SLC2A12: variants seen among roughly 807,000 people sequenced by gnomAD.
The protein encoded by SLC2A12 is solute carrier family 2, facilitated glucose transporter member 12.
SLC2A12 carries 23 observed loss-of-function variants against 41.8 expected under a neutral mutation model. That is an observed-to-expected ratio of 0.55 (90% CI 0.40 to 0.78). The LOEUF (loss-of-function observed/expected upper bound fraction) is 0.78, where lower values mean the gene tolerates loss of function less well. SLC2A12 is among the 30% of genes least tolerant of loss of function. The pLI, the probability that SLC2A12 is intolerant of heterozygous loss-of-function variation, is 0.00. For synonymous variants in SLC2A12, 295 were observed against 285.9 expected, an observed-to-expected ratio of 1.03 and a Z score of -0.32; for missense variants, 654 against 745.6, an observed-to-expected ratio of 0.88 and a Z score of 1.43.
intron 4 of SLC2A12, among the ~76,000 whole-genome samples, chr6:133,997,580 A>G (rs1193693504): frequency 1.3e-5 from 2 of 152,218 alleles, no homozygotes; most frequent in Non-Finnish European, 2.9e-5. Flanking sequence ...GTTCTCACTT[A>G]TAAGTGGGAG....
intron 1 of SLC2A12, among the ~76,000 whole-genome samples, chr6:134,035,162 A>C (rs1777277769): frequency 1.3e-5 from 2 of 151,144 alleles, no homozygotes; most frequent in South Asian, 4.2e-4. Flanking sequence ...AAAAAAAAAA[A>C]AAAAAAAAAA....
chr6:134,027,099 G>A (rs1160632456), intron 2 of SLC2A12, among the ~76,000 whole-genome samples: 1 of 152,216 alleles, frequency 6.6e-6, no homozygotes, highest in African/African-American at 2.4e-5. Context: ...GTATAGCTCA[G>A]TCCATTCACC....
intron 1 of SLC2A12, among the ~76,000 whole-genome samples, chr6:134,043,267 G>C (rs1777407416): frequency 6.6e-6 from 1 of 152,124 alleles, no homozygotes; most frequent in Non-Finnish European, 1.5e-5. Context: ...CAGGAAGTTG[G>C]TGCAGGAGGG....
intron 4 of SLC2A12, among the ~76,000 whole-genome samples, chr6:134,001,320 T>A (rs921568100): frequency 2.0e-5 from 3 of 152,278 alleles, no homozygotes; most frequent in Middle Eastern, 6.8e-3. Flanking sequence ...AACTGTTTTT[T>A]AAATGAGATA....
chr6:134,028,910 C>T lies in SLC2A12; in HGVS notation c.915G>A (p.Leu305=), dbSNP rs1256904556. The change falls in exon 2 of 5, where the codon TTG becomes TTA. Residue 305 remains leucine, a synonymous_variant. Coordinates refer to ENST00000275230, the MANE Select transcript of SLC2A12 (RefSeq NM_145176.3). ...PNILFYASTV[L]KSVGFQSNEA... ...CATTGCTTTGAAATCCAACTGACTT[C>T]AAAACAGTTGATGCATAGAACAATA... 2.5e-6 allele frequency: 4 copies of T among 1,614,210 alleles called. No individual in the cohort carries two copies. Among genetic ancestry groups the T allele is most frequent in the Non-Finnish European group, 3.4e-6 (4 of 1,180,040 alleles).
At chr6:134,038,113 CG>C (rs1482492984) in intron 1 of SLC2A12, among the ~76,000 whole-genome samples, 6 of 152,132 alleles carry the variant, frequency 3.9e-5, no homozygotes, top group African/African-American at 1.4e-4. Context: ...GAATTTTCTA[CG>C]GAAAAAATAT....
chr6:134,018,833 G>A (rs1287403370), intron 2 of SLC2A12, among the ~76,000 whole-genome samples: 1 of 151,766 alleles, frequency 6.6e-6, no homozygotes. Flanking sequence ...TACTGTGCCT[G>A]CCATGTTGTG....
At chr6:134,026,147 C>CT (rs1156454580) in intron 2 of SLC2A12, among the ~76,000 whole-genome samples, 1 of 152,114 alleles carries the variant, frequency 6.6e-6, no homozygotes, top group African/African-American at 2.4e-5. Flanking sequence ...GTATCCCTTC[C>CT]TTTTTTTGTG....
chr6:134,001,028 C>T (rs1381576855), intron 4 of SLC2A12, among the ~76,000 whole-genome samples: 3 of 152,094 alleles, frequency 2.0e-5, no homozygotes, highest in Non-Finnish European at 4.4e-5. Context: ...TATATCTACA[C>T]TTCCGGGACC....
chr6:134,005,024 CTTTA>C (rs1776795410), intron 3 of SLC2A12, among the ~76,000 whole-genome samples: 1 of 152,084 alleles, frequency 6.6e-6, no homozygotes, highest in Non-Finnish European at 1.5e-5. Flanking sequence ...TAAATTTAGG[CTTTA>C]TTTATTTATT....
chr6:133,993,284 C>T (rs1328265442), intron 4 of SLC2A12, among the ~76,000 whole-genome samples: 1 of 152,176 alleles, frequency 6.6e-6, no homozygotes, highest in East Asian at 1.9e-4. Context: ...TTCAGACTTA[C>T]GTATCCAACT....
chr6:134,027,197 T>A (rs569713077), intron 2 of SLC2A12, among the ~76,000 whole-genome samples: 6 of 152,270 alleles, frequency 3.9e-5, no homozygotes, highest in African/African-American at 1.4e-4. Context: ...ATGAAAAAAA[T>A]TCATCACTCA....
chr6:133,998,405 A>G (rs1259593820), intron 4 of SLC2A12, among the ~76,000 whole-genome samples: 3 of 152,228 alleles, frequency 2.0e-5, no homozygotes, highest in Admixed American at 1.3e-4. Flanking sequence ...TTCAAGTTTG[A>G]CTTTTTTAAG....
Position 134,052,506 on chromosome 6 carries a change from C to T in SLC2A12, c.-26G>A. ...GGTCACGTAGAAGTTACAGCCGCTT[C>T]CCCGCCACCAAACCGCCCCGACCAC... is the stretch of plus-strand genomic sequence containing the variant. On this transcript the variant is annotated 5_prime_UTR_variant, in exon 1 of 5. Transcript: ENST00000275230. The T allele has an allele frequency of 6.3e-7, 1 of 1,598,202 alleles. No homozygotes were observed. The highest frequency in any genetic ancestry group is 8.6e-7 in the Non-Finnish European group (1 of 1,168,628).
chr6:134,030,673 A>G lies in SLC2A12; in HGVS notation c.104-952T>C, dbSNP rs147076258. ...TAATTTCCAAGGCCTTAGGACAGGA[A>G]AGTTCTCATTATGTTTTAGGAACTG... is the stretch of plus-strand genomic sequence containing the variant. On this transcript the variant is annotated intron_variant, in intron 1 of 4. Coordinates refer to ENST00000275230, the MANE Select transcript of SLC2A12 (RefSeq NM_145176.3). Among the ~76,000 whole-genome samples the G allele has an allele frequency of 2.3e-3, 352 of 152,336 alleles. 3 individuals carry two copies. The highest frequency in any genetic ancestry group is 8.1e-3 in the African/African-American group (335 of 41,578).
At chr6:134,037,442 C>T (rs1239685440) in intron 1 of SLC2A12, among the ~76,000 whole-genome samples, 2 of 152,030 alleles carry the variant, frequency 1.3e-5, no homozygotes, top group Non-Finnish European at 2.9e-5. Context: ...TCACTCTCCA[C>T]CTCCCAGGTT....
At chr6:134,037,811 A>T (rs1777324576) in intron 1 of SLC2A12, among the ~76,000 whole-genome samples, 2 of 152,144 alleles carry the variant, frequency 1.3e-5, no homozygotes, top group East Asian at 3.9e-4. Flanking sequence ...AGGTTACAGG[A>T]TGCCCCAGGA....
At chr6:134,023,734 G>A (rs1464370047) in intron 2 of SLC2A12, among the ~76,000 whole-genome samples, 2 of 152,246 alleles carry the variant, frequency 1.3e-5, no homozygotes, top group African/African-American at 4.8e-5. Flanking sequence ...TGGAATGGAA[G>A]CTAGTCATAT....
chr6:134,028,258 G>A (rs1221205857), intron 2 of SLC2A12, 123 bp downstream of exon 2: 4 of 1,287,874 alleles, frequency 3.1e-6, no homozygotes, highest in East Asian at 2.3e-5. Flanking sequence ...TTCTGCATTA[G>A]AAGGAACATC....
Sources: gnomAD v4.1 joint callset for allele counts (sites outside exome capture counted in the v4.1 genomes callset) on GRCh38, gnomAD v4.1.1 for gene constraint, MANE v1.5 for transcripts, NCBI Gene and HGNC (gene_info 2026-07-23, HGNC 2026-07-21) for gene names.